VIRMA: variants seen among roughly 807,000 people sequenced by gnomAD.
The protein encoded by VIRMA is protein virilizer homolog.
A neutral mutation model predicts 182.4 loss-of-function variants in VIRMA; 65 were observed. The observed-to-expected ratio is 0.36, with a 90% CI of 0.29 to 0.44. The LOEUF is 0.44. Among genes scored for constraint, VIRMA ranks in the 20% least tolerant of loss-of-function variants. The pLI, the probability that VIRMA is intolerant of heterozygous loss-of-function variation, is 1.00. For missense variants in VIRMA, 1,752 were observed against 2,158.1 expected (o/e 0.81, Z 3.73); for synonymous variants, 709 against 743.1 (o/e 0.95, Z 0.75).
Position 94,506,631 on chromosome 8 carries a change from C to G in VIRMA, c.3966G>C (p.Leu1322Phe), listed in dbSNP as rs774684642. ...QLSNSLPNKE[L>F]MTSICDCLLA... Reference sequence around the variant, plus strand: ...ACAGACAGTCACAGATTGAGGTCATCAATTCTTTATTTGGTAGAGAATTGG... The same window carrying G: ...ACAGACAGTCACAGATTGAGGTCATGAATTCTTTATTTGGTAGAGAATTGG... Residue 1322 changes from leucine (L) to phenylalanine (F), a missense_variant, in exon 16 of 24, where the codon TTG (leucine) becomes TTC (phenylalanine). Around this residue, in one of 11 missense-constraint regions of VIRMA, gnomAD observed 777 missense variants for 920.6 expected, o/e 0.84. Transcript: ENST00000297591. 1 of 1,613,696 alleles carries G rather than the reference C, an allele frequency of 6.2e-7. No individual in the cohort carries two copies. Among genetic ancestry groups the G allele is most frequent in the South Asian group, 1.1e-5 (1 of 91,070 alleles).
At position 94,515,338 on chromosome 8, in the gene VIRMA, G is replaced by A. The variant is rs532218665; in HGVS notation, c.2669-387C>T. ...TCTCGAACTTCTGACCTCGTGATCC[G>A]CCCGCCTCAGCCTCCCAAAGTGCTG... On this transcript the variant is annotated intron_variant, in intron 10 of 23. Coordinates refer to ENST00000297591, the MANE Select transcript of VIRMA (RefSeq NM_015496.5). Among the ~76,000 whole-genome samples, 667 of 151,652 alleles carry A rather than the reference G, an allele frequency of 4.4e-3. 5 individuals are homozygous for A. Among genetic ancestry groups the A allele is most frequent in the Non-Finnish European group, 7.1e-3 (479 of 67,874 alleles).
At chr8:94,541,110 T>C (rs1815536884) in intron 2 of VIRMA, among the ~76,000 whole-genome samples, 1 of 151,454 alleles carries the variant, frequency 6.6e-6, no homozygotes. Context: ...AGAGGAATTA[T>C]AATTATTATT....
In VIRMA at chr8:94,517,858, T is replaced by G; in HGVS notation, c.2598A>C (p.Gln866His). The change falls in exon 10 of 24, where the codon CAA becomes CAC. Residue 866 changes from glutamine to histidine, a missense_variant. Physicochemically the swap from Gln to His is conservative, Grantham distance 24. This residue lies in a region of VIRMA where 777 missense variants were observed against 920.6 expected (regional missense o/e 0.84). Coordinates refer to ENST00000297591, the MANE Select transcript of VIRMA (RefSeq NM_015496.5). ...LVVVQSSSDVQMLEQHAASLL... is the reference protein window; with the variant it reads ...LVVVQSSSDVHMLEQHAASLL... ...GAGATGCTGCATGTTGTTCTAGCAT[T>G]TGAACATCACTGGAAGACTGAACCA... is the stretch of plus-strand genomic sequence containing the variant. 6.2e-7 allele frequency: 1 copy of G among 1,612,774 alleles called. No homozygotes were observed. Among genetic ancestry groups the G allele is most frequent in the Non-Finnish European group, 8.5e-7 (1 of 1,179,026 alleles).
At chr8:94,509,419 G>C (rs113864303) in intron 15 of VIRMA, among the ~76,000 whole-genome samples, 3 of 151,380 alleles carry the variant, frequency 2.0e-5, no homozygotes, top group Admixed American at 6.6e-5. Flanking sequence ...AAAAAAGAAT[G>C]ACTTGGTGTG....
rs758754123 is a variant in VIRMA at position 94,519,409 on chromosome 8, G to A, written c.2089C>T (p.His697Tyr). ...TTTGTGGCTTGCAGCACACCAGGGT[G>A]AGCACTTGTTACTGGAATTGACAGA... ...LLLSIPVTSAHPGVLQATKDV... is the reference protein window; with the variant it reads ...LLLSIPVTSAYPGVLQATKDV... Residue 697 changes from histidine (H) to tyrosine (Y), a missense_variant, in exon 9 of 24, where the codon CAC becomes TAC. Transcript: ENST00000297591. The A allele has an allele frequency of 6.5e-7, 1 of 1,538,864 alleles. No homozygotes were observed. Among genetic ancestry groups the A allele is most frequent in the Non-Finnish European group, 8.7e-7 (1 of 1,148,818 alleles).
At chr8:94,502,468 AAATT>A (rs1433972737) in intron 16 of VIRMA, among the ~76,000 whole-genome samples, 3 of 151,590 alleles carry the variant, frequency 2.0e-5, no homozygotes, top group Non-Finnish European at 4.4e-5. Context: ...ATATTTAAAT[AAATT>A]AATTTTAAAA....
In VIRMA at chr8:94,535,024, G is replaced by A. The variant is rs1442865533; in HGVS notation, c.316-17C>T. The A allele has an allele frequency of 1.3e-6, 2 of 1,547,638 alleles. No homozygotes were observed. The highest frequency in any genetic ancestry group is 1.2e-5 in the South Asian group (1 of 82,426). ...AGTATTCACCTGATTTTCAGGGAGG[G>A]CAAAAAAAATCTTTCAAAGTCATGT... On this transcript the variant is annotated splice_polypyrimidine_tract_variant and intron_variant, in intron 4 of 23. Coordinates refer to ENST00000297591, the MANE Select transcript of VIRMA (RefSeq NM_015496.5).
chr8:94,538,763 C>T (rs1815433076), intron 2 of VIRMA, among the ~76,000 whole-genome samples: 1 of 152,132 alleles, frequency 6.6e-6, no homozygotes, highest in Non-Finnish European at 1.5e-5. Flanking sequence ...AGGCACGCAC[C>T]ACCATGCCCA....
chr8:94,511,074 T>C, intron 13 of VIRMA, 111 bp downstream of exon 13: 2 of 1,461,960 alleles, frequency 1.4e-6, no homozygotes, highest in Non-Finnish European at 1.8e-6. Context: ...TTATTTTATG[T>C]CTTTTTGGGA....
At chr8:94,546,690 T>C (rs1815778602) in intron 1 of VIRMA, 2 of 322,088 alleles carry the variant, frequency 6.2e-6, no homozygotes, top group Non-Finnish European at 1.2e-5. Context: ...ACCCAATATG[T>C]AGTCTTTTAT....
chr8:94,492,660 T>G lies in VIRMA; in HGVS notation c.4800A>C (p.Ile1600=). The change falls in exon 21 of 24, where the codon ATA becomes ATC. Residue 1600 remains isoleucine, a synonymous_variant. Coordinates refer to ENST00000297591, the MANE Select transcript of VIRMA (RefSeq NM_015496.5). ...AGTGGAATAAATTTTACCTTGACGT[T>G]ATAAAGGTCTCATGCTTGTGCTTCC... ...KLGKHKHETF[I]TSSGKSEYIE... is the part of the protein sequence containing the mutation. 1 of 1,612,644 alleles carries G rather than the reference T, an allele frequency of 6.2e-7. No individual in the cohort carries two copies. The highest frequency in any genetic ancestry group is 8.5e-7 in the Non-Finnish European group (1 of 1,179,082).
intron 17 of VIRMA, chr8:94,498,506 G>C (rs1158034593): frequency 1.3e-5 from 2 of 152,158 alleles, no homozygotes; most frequent in South Asian, 4.1e-4. Context: ...ACAGCGTCTT[G>C]CTCTGTCACC....
At chr8:94,510,092 CAAT>C (rs1814312954) in intron 14 of VIRMA, 152 bp from the exon 15 acceptor site, 1 of 688,012 alleles carries the variant, frequency 1.5e-6, no homozygotes, top group Non-Finnish European at 2.3e-6. Flanking sequence ...TGGAATTTTA[CAAT>C]GACTGCAAAA....
rs1482136135 is a variant in VIRMA, at chr8:94,519,418, T to C, written c.2080A>G (p.Thr694Ala). 1 of 1,532,828 alleles carries C rather than the reference T, an allele frequency of 6.5e-7. No individual in the cohort carries two copies. Among genetic ancestry groups the C allele is most frequent in the South Asian group, 1.3e-5 (1 of 75,514 alleles). 95.0% of individuals were successfully genotyped at this position (1,532,828 alleles called of 1,614,324 possible). A position where few individuals can be genotyped will look rare whatever the true frequency, so the allele number is the denominator to read the frequency against. ...LVTLLLSIPVTSAHPGVLQAT... is the reference protein window; with the variant it reads ...LVTLLLSIPVASAHPGVLQAT... Reference sequence around the variant, plus strand: ...TGCAGCACACCAGGGTGAGCACTTGTTACTGGAATTGACAGAAGCAAGGTA... The same window carrying C: ...TGCAGCACACCAGGGTGAGCACTTGCTACTGGAATTGACAGAAGCAAGGTA... The change falls in exon 9 of 24, where the codon ACA becomes GCA. Residue 694 changes from threonine (T) to alanine (A), a missense_variant. Physicochemically the swap from Thr to Ala is moderately conservative, Grantham distance 58. Coordinates refer to ENST00000297591, the MANE Select transcript of VIRMA (RefSeq NM_015496.5).
chr8:94,526,137 CA>C, intron 8 of VIRMA, 85 bp downstream of exon 8: 1 of 1,022,188 alleles, frequency 9.8e-7, no homozygotes, highest in Non-Finnish European at 1.5e-6. Flanking sequence ...AAGTTACCTA[CA>C]ATCAGATAAA....
In VIRMA at chr8:94,530,981, C is replaced by A; in HGVS notation, c.589G>T (p.Asp197Tyr). ...GPPPPDDDED[D>Y]PVPLPVSGDK... Reference sequence around the variant, plus strand: ...TTTATACCTGGCAGAGGCACAGGATCATCTTCATCATCATCAGGTGGAGGG... The same window carrying A: ...TTTATACCTGGCAGAGGCACAGGATAATCTTCATCATCATCAGGTGGAGGG... The change falls in exon 6 of 24, where the codon GAT (aspartate) becomes TAT (tyrosine). Residue 197 changes from aspartate (D) to tyrosine (Y), a missense_variant. By Grantham distance (160) the Asp-to-Tyr change is radical. This residue lies in a region of VIRMA where 114 missense variants were observed against 106.9 expected (regional missense o/e 1.07). Transcript: ENST00000297591. The A allele has an allele frequency of 6.2e-6, 10 of 1,603,770 alleles. No individual in the cohort carries two copies. Among genetic ancestry groups the A allele is most frequent in the Non-Finnish European group, 8.5e-6 (10 of 1,175,584 alleles).
chr8:94,502,393 C>G (rs988196463), intron 16 of VIRMA, among the ~76,000 whole-genome samples: 11 of 151,220 alleles, frequency 7.3e-5, no homozygotes, highest in African/African-American at 2.2e-4. Flanking sequence ...TTAATTTTCT[C>G]AAAAACATAT....
intron 15 of VIRMA, among the ~76,000 whole-genome samples, chr8:94,508,892 T>C (rs1814257017): frequency 6.6e-6 from 1 of 151,690 alleles, no homozygotes; most frequent in Admixed American, 6.6e-5. Context: ...TCTCCAAAGA[T>C]CTCAATCATA....
At chr8:94,549,862 G>T (rs1453512980) in intron 1 of VIRMA, among the ~76,000 whole-genome samples, 1 of 152,182 alleles carries the variant, frequency 6.6e-6, no homozygotes, top group African/African-American at 2.4e-5. Context: ...TTGGGAGGCT[G>T]AGGTGGGAGA....
Sources: allele counts gnomAD v4.1 joint callset (sites outside exome capture counted in the v4.1 genomes callset), GRCh38; gene constraint gnomAD v4.1.1; regional missense constraint gnomAD v4.1.1; transcripts MANE v1.5; gene names NCBI Gene and HGNC (gene_info 2026-07-23, HGNC 2026-07-21).